ZFAND6: variants seen among roughly 807,000 people sequenced by gnomAD.
The protein encoded by ZFAND6 is AN1-type zinc finger protein 6.
Under a neutral mutation model 24.5 loss-of-function variants are expected in ZFAND6, and 12 were observed. The observed-to-expected ratio is 0.49, with a 90% CI of 0.31 to 0.79. ZFAND6 has a LOEUF of 0.79. Among genes scored for constraint, ZFAND6 ranks in the 30% least tolerant of loss-of-function variants. The probability of loss-of-function intolerance (pLI) is 0.04; values close to 1 mark genes in which losing one functional copy is unlikely to be tolerated. For missense variants in ZFAND6, 207 were observed against 245.9 expected (o/e 0.84, Z 1.06); for synonymous variants, 92 against 81.5 (o/e 1.13, Z -0.69).
chr15:80,073,574 G>T (rs1476657305), intron 1 of ZFAND6, among the ~76,000 whole-genome samples: 3 of 151,832 alleles, frequency 2.0e-5, no homozygotes, highest in East Asian at 1.9e-4. Context: ...ATCATGCAAA[G>T]GTTTTTAAAT....
chr15:80,081,645 A>T (rs925925528), intron 1 of ZFAND6, among the ~76,000 whole-genome samples: 1 of 152,212 alleles, frequency 6.6e-6, no homozygotes. Context: ...TTGGCCACCT[A>T]TGATTGGCTG....
intron 2 of ZFAND6, among the ~76,000 whole-genome samples, chr15:80,118,148 G>A (rs2039975955): frequency 6.6e-6 from 1 of 152,056 alleles, no homozygotes; most frequent in South Asian, 2.1e-4. Flanking sequence ...TTGAGACAGA[G>A]TCTTGCTCTG....
intron 1 of ZFAND6, among the ~76,000 whole-genome samples, chr15:80,081,246 A>G (rs919398227): frequency 6.6e-6 from 1 of 152,236 alleles, no homozygotes; most frequent in Non-Finnish European, 1.5e-5. Context: ...TTGTGTGCAT[A>G]CAGCCTAGTC....
At chr15:80,137,165 G>C (rs2040902878) in intron 6 of ZFAND6, among the ~76,000 whole-genome samples, 1 of 152,240 alleles carries the variant, frequency 6.6e-6, no homozygotes, top group Non-Finnish European at 1.5e-5. Flanking sequence ...TCACATCGTA[G>C]TGTTTGGATT....
At chr15:80,090,526 G>C (rs2038292764) in intron 1 of ZFAND6, among the ~76,000 whole-genome samples, 1 of 152,122 alleles carries the variant, frequency 6.6e-6, no homozygotes, top group Non-Finnish European at 1.5e-5. Context: ...CCTCAATTCT[G>C]TTCTTACTAT....
intron 2 of ZFAND6, among the ~76,000 whole-genome samples, chr15:80,102,226 C>A (rs927287308): frequency 6.6e-6 from 1 of 152,064 alleles, no homozygotes; most frequent in Admixed American, 6.6e-5. Flanking sequence ...TCTCCTGCCT[C>A]ACCCTCCCAT....
At chr15:80,131,566 A>G (rs1567101306) in intron 6 of ZFAND6, 1 of 417,768 alleles carries the variant, frequency 2.4e-6, no homozygotes, top group Non-Finnish European at 4.2e-6. Flanking sequence ...GAAAGGTCAA[A>G]GATGTGGCTC....
intron 5 of ZFAND6, among the ~76,000 whole-genome samples, chr15:80,124,609 G>A (rs970879912): frequency 5.3e-5 from 8 of 152,014 alleles, no homozygotes; most frequent in African/African-American, 1.9e-4. Context: ...TCCATTTGTG[G>A]TGTATGGAAA....
chr15:80,066,726 A>G (rs1011065431), intron 1 of ZFAND6, among the ~76,000 whole-genome samples: 1 of 151,906 alleles, frequency 6.6e-6, no homozygotes, highest in Non-Finnish European at 1.5e-5. Flanking sequence ...GCGAAACCTC[A>G]TCTCTGTTGA....
intron 1 of ZFAND6, among the ~76,000 whole-genome samples, chr15:80,065,446 TC>T (rs140809471): frequency 2.0e-5 from 3 of 151,160 alleles, no homozygotes; most frequent in African/African-American, 7.3e-5. Flanking sequence ...TGTTTAAGTC[TC>T]CCCCCCATCC....
intron 2 of ZFAND6, among the ~76,000 whole-genome samples, chr15:80,108,975 G>T (rs1250712428): frequency 2.0e-5 from 3 of 152,086 alleles, no homozygotes; most frequent in Admixed American, 2.0e-4. Flanking sequence ...TGATCTGCCT[G>T]TCTCGGCCTC....
chr15:80,099,456 A>T (rs2038913610), intron 2 of ZFAND6, among the ~76,000 whole-genome samples: 1 of 152,220 alleles, frequency 6.6e-6, no homozygotes, highest in Non-Finnish European at 1.5e-5. Context: ...TGAGGCATGG[A>T]GTAGAAGGAA....
chr15:80,131,037 A>G, intron 5 of ZFAND6, 143 bp from the exon 6 acceptor site: 1 of 554,214 alleles, frequency 1.8e-6, no homozygotes, highest in Middle Eastern at 5.0e-4. Context: ...ATATTTTTGT[A>G]AACAACTTTG....
intron 1 of ZFAND6, among the ~76,000 whole-genome samples, chr15:80,065,022 T>TTA (rs1218568873): frequency 1.4e-5 from 2 of 139,416 alleles, no homozygotes; most frequent in East Asian, 4.0e-4. Flanking sequence ...TTTTTTTTTT[T>TTA]AACAAAACAA....
intron 5 of ZFAND6, among the ~76,000 whole-genome samples, chr15:80,125,278 T>G (rs1205878534): frequency 3.3e-5 from 5 of 152,158 alleles, no homozygotes; most frequent in African/African-American, 1.2e-4. Context: ...GATCAACTCG[T>G]TTAGCAAACT....
rs143949764 is a variant in ZFAND6 at position 80,106,224 on chromosome 15, C to G, written c.-18+7646C>G. 7.3e-3 allele frequency among the ~76,000 whole-genome samples: 1,108 copies of G among 152,282 alleles called. 9 individuals are homozygous for G. Among genetic ancestry groups the G allele is most frequent in the Non-Finnish European group, 0.013 (853 of 68,028 alleles). On this transcript the variant is annotated intron_variant, in intron 2 of 6. Transcript: ENST00000261749. ...ATGTCTTTCCTGATAATATCTCTAA[C>G]CAAAATAGTTGTGAAATCATTTATT...
intron 1 of ZFAND6, among the ~76,000 whole-genome samples, chr15:80,065,930 T>C (rs1209577905): frequency 6.6e-6 from 1 of 152,224 alleles, no homozygotes; most frequent in Non-Finnish European, 1.5e-5. Flanking sequence ...TATTGAATGT[T>C]CCTCTGAGCA....
upstream of ZFAND6, chr15:80,059,452 C>T (rs1272795952): frequency 2.6e-5 from 4 of 152,388 alleles, no homozygotes; most frequent in Admixed American, 6.5e-5. Flanking sequence ...GGCGGAGGAG[C>T]ATCTCCTTTC....
At chr15:80,074,948 T>C (rs949054435) in intron 1 of ZFAND6, among the ~76,000 whole-genome samples, 5 of 152,046 alleles carry the variant, frequency 3.3e-5, no homozygotes, top group Admixed American at 1.3e-4. Context: ...AACTCATTGA[T>C]GGAACCAGTA....
Sources: gnomAD v4.1 joint callset for allele counts (sites outside exome capture counted in the v4.1 genomes callset) on GRCh38, gnomAD v4.1.1 for gene constraint, MANE v1.5 for transcripts, NCBI Gene and HGNC (gene_info 2026-07-23, HGNC 2026-07-21) for gene names.